Variants in TMCC1 observed in about 807,000 individuals in gnomAD.
TMCC1 encodes the protein transmembrane and coiled-coil domain family 1.
In TMCC1, 15 loss-of-function variants were observed where a neutral mutation model predicts 52.4. The observed-to-expected ratio is 0.29, with a 90% CI of 0.19 to 0.44. The LOEUF is 0.44. TMCC1 is among the 20% of genes least tolerant of loss of function. The probability of loss-of-function intolerance (pLI) is 1.00; values close to 1 mark genes in which losing one functional copy is unlikely to be tolerated. For synonymous variants in TMCC1, 279 were observed against 301.9 expected (o/e 0.92, Z 0.79); for missense variants, 503 against 806.0 (o/e 0.62, Z 4.55).
intron 4 of TMCC1, among the ~76,000 whole-genome samples, chr3:129,675,152 C>T (rs1455120726): frequency 3.3e-5 from 5 of 152,150 alleles, no homozygotes; most frequent in Admixed American, 2.0e-4. Context: ...AGGTTTCTAA[C>T]TCACTCCAGA....
intron 4 of TMCC1, among the ~76,000 whole-genome samples, chr3:129,679,554 T>C (rs2088789142): frequency 6.6e-6 from 1 of 152,292 alleles, no homozygotes; most frequent in East Asian, 1.9e-4. Context: ...TCCGCCCACC[T>C]TGGCCTCCCA....
At chr3:129,857,042 C>T (rs1359042962) in intron 2 of TMCC1, among the ~76,000 whole-genome samples, 1 of 152,118 alleles carries the variant, frequency 6.6e-6, no homozygotes, top group African/African-American at 2.4e-5. Context: ...CCTCACCCTC[C>T]CAAGTAGCTG....
At position 129,828,384 on chromosome 3, in the gene TMCC1, G is replaced by A; in HGVS notation, c.-6C>T. On this transcript the variant is annotated 5_prime_UTR_variant, in exon 4 of 7. Coordinates refer to ENST00000393238, the MANE Select transcript of TMCC1 (RefSeq NM_001017395.5). The surrounding 1 kb of genome is among the most constrained non-coding windows in gnomAD (Gnocchi z 4.1). ...TCACTGCCCGAAGGCTCCATCAGTAGACTTAATATGCTTATTTGCAAACTC... is the reference window on the plus strand; with the variant it reads ...TCACTGCCCGAAGGCTCCATCAGTAAACTTAATATGCTTATTTGCAAACTC... 1 of 1,610,054 alleles carries A rather than the reference G, an allele frequency of 6.2e-7. No individual in the cohort carries two copies.
chr3:129,738,089 G>A (rs1461474978), intron 4 of TMCC1, among the ~76,000 whole-genome samples: 1 of 151,762 alleles, frequency 6.6e-6, no homozygotes, highest in Admixed American at 6.6e-5. Flanking sequence ...TGGCCAACAC[G>A]GCAAAACCCC....
At chr3:129,887,542 C>CAAAAA (rs368045992) in intron 1 of TMCC1, among the ~76,000 whole-genome samples, 1 of 91,332 alleles carries the variant, frequency 1.1e-5, no homozygotes, top group African/African-American at 4.0e-5. Flanking sequence ...CTCCGTCTCT[C>CAAAAA]AAAAAAAAAA....
chr3:129,870,609 G>T (rs1351047921), intron 2 of TMCC1, among the ~76,000 whole-genome samples: 4 of 149,654 alleles, frequency 2.7e-5, no homozygotes, highest in East Asian at 2.0e-4. Context: ...CGTGGTGGCT[G>T]GCGCCTGTAG....
intron 4 of TMCC1, among the ~76,000 whole-genome samples, chr3:129,790,746 G>C (rs2056395934): frequency 6.6e-6 from 1 of 152,082 alleles, no homozygotes; most frequent in African/African-American, 2.4e-5. Flanking sequence ...CTCCTTAATA[G>C]AAGTTCTTTA....
intron 4 of TMCC1, among the ~76,000 whole-genome samples, chr3:129,820,736 C>T (rs1560487215): frequency 6.6e-6 from 1 of 152,102 alleles, no homozygotes; most frequent in Admixed American, 6.5e-5. Context: ...CTTATCTTAC[C>T]CTTCCCAGAT....
At chr3:129,714,748 T>G (rs995996377) in intron 4 of TMCC1, among the ~76,000 whole-genome samples, 1 of 152,202 alleles carries the variant, frequency 6.6e-6, no homozygotes, top group African/African-American at 2.4e-5. Flanking sequence ...CTACACTCCT[T>G]AGAAATGATT....
At chr3:129,734,901 GA>G (rs1466117119) in intron 4 of TMCC1, among the ~76,000 whole-genome samples, 69 of 150,588 alleles carry the variant, frequency 4.6e-4, no homozygotes, top group African/African-American at 1.5e-3. Flanking sequence ...TTTTCTGTTC[GA>G]AATTTTTTTT....
intron 4 of TMCC1, among the ~76,000 whole-genome samples, chr3:129,763,502 C>CACT (rs2053811443): frequency 7.6e-6 from 1 of 131,586 alleles, no homozygotes; most frequent in Non-Finnish European, 1.6e-5. Context: ...AAGATCACAC[C>CACT]ACTGCACTCC....
intron 4 of TMCC1, among the ~76,000 whole-genome samples, chr3:129,795,397 C>T (rs1576878377): frequency 6.6e-6 from 1 of 152,130 alleles, no homozygotes; most frequent in East Asian, 1.9e-4. Flanking sequence ...ATGTGCTCCT[C>T]TTGGAATTGT....
intron 4 of TMCC1, among the ~76,000 whole-genome samples, chr3:129,754,169 G>A (rs927590031): frequency 9.9e-5 from 15 of 152,244 alleles, no homozygotes; most frequent in African/African-American, 2.9e-4. Flanking sequence ...AGCTATAAAC[G>A]TGACAAAATA....
At chr3:129,889,129 G>A (rs1445984548) in intron 1 of TMCC1, among the ~76,000 whole-genome samples, 1 of 152,052 alleles carries the variant, frequency 6.6e-6, no homozygotes, top group African/African-American at 2.4e-5. Context: ...AAAATTAGCA[G>A]AGCATGATGG....
chr3:129,720,294 G>A (rs768449976), intron 4 of TMCC1, among the ~76,000 whole-genome samples: 4 of 152,044 alleles, frequency 2.6e-5, no homozygotes, highest in Non-Finnish European at 5.9e-5. Flanking sequence ...GACATGAACA[G>A]TGAAATGTTA....
chr3:129,671,268 G>A lies in TMCC1; in HGVS notation c.577-4C>T, dbSNP rs753428618. On this transcript the variant is annotated splice_region_variant and splice_polypyrimidine_tract_variant and intron_variant, in intron 4 of 6. Coordinates refer to ENST00000393238, the MANE Select transcript of TMCC1 (RefSeq NM_001017395.5). ...TGCTTACTTCCAACCGTTCGATCTA[G>A]TGTAAAAACAAGAGGTACATGTTAG... 7 of 1,600,976 alleles carry A rather than the reference G, an allele frequency of 4.4e-6. No individual in the cohort carries two copies. Among genetic ancestry groups the A allele is most frequent in the Non-Finnish European group, 6.0e-6 (7 of 1,172,606 alleles).
At chr3:129,871,694 C>T (rs933527668) in intron 2 of TMCC1, among the ~76,000 whole-genome samples, 5 of 152,030 alleles carry the variant, frequency 3.3e-5, no homozygotes, top group South Asian at 2.1e-4. Flanking sequence ...ATTACATAAA[C>T]GGCTCCTACA....
rs144074874 is a variant in TMCC1 at position 129,718,815 on chromosome 3, T to C, written c.577-47551A>G. Among the ~76,000 whole-genome samples the C allele has an allele frequency of 6.6e-5, 10 of 152,320 alleles. No individual in the cohort carries two copies. In the East Asian group the frequency reaches 1.9e-3, roughly 29 times the overall value. ...TACTGTATTGTAAGAATAGAGTATATAATACATATAATATATAAAATATGT... is the reference window on the plus strand; with the variant it reads ...TACTGTATTGTAAGAATAGAGTATACAATACATATAATATATAAAATATGT... On this transcript the variant is annotated intron_variant, in intron 4 of 6. Transcript: ENST00000393238.
At chr3:129,852,359 A>G (rs1045421281) in intron 2 of TMCC1, among the ~76,000 whole-genome samples, 2 of 150,244 alleles carry the variant, frequency 1.3e-5, no homozygotes, top group Non-Finnish European at 3.0e-5. Flanking sequence ...CAGGAGTCCA[A>G]GGTAGGAGAA....
Sources: allele counts gnomAD v4.1 joint callset (sites outside exome capture counted in the v4.1 genomes callset), GRCh38; gene constraint gnomAD v4.1.1; non-coding constraint Gnocchi (gnomAD v3.1); transcripts MANE v1.5; gene names NCBI Gene and HGNC (gene_info 2026-07-23, HGNC 2026-07-21).